The following EVL variants were observed in gnomAD, a reference collection of about 807,000 sequenced individuals.
The protein encoded by EVL is ena/VASP-like protein.
Under a neutral mutation model 59.6 loss-of-function variants are expected in EVL, and 21 were observed. That is an observed-to-expected ratio of 0.35 (90% CI 0.25 to 0.51). The LOEUF (loss-of-function observed/expected upper bound fraction) is 0.51. Ranked by LOEUF, EVL falls within the 20% of genes least tolerant of loss-of-function variation. The probability of loss-of-function intolerance (pLI) is 0.97; values close to 1 mark genes in which losing one functional copy is unlikely to be tolerated. For synonymous variants in EVL, 198 were observed against 203.5 expected, an observed-to-expected ratio of 0.97 and a Z score of 0.23; for missense variants, 462 against 546.6, an observed-to-expected ratio of 0.85 and a Z score of 1.54.
At chr14:100,026,215 C>T (rs1253647997) in intron 1 of EVL, among the ~76,000 whole-genome samples, 1 of 146,746 alleles carries the variant, frequency 6.8e-6, no homozygotes, top group African/African-American at 2.6e-5. Context: ...CATGCCACTG[C>T]ACTCCAGTGT....
chr14:100,141,642 A>G (rs1566735525), intron 12 of EVL, 94 bp from the exon 13 acceptor site: 3 of 1,201,624 alleles, frequency 2.5e-6, no homozygotes, highest in Admixed American at 4.3e-5. Context: ...GGAGAGGCCC[A>G]GGAGACCCCA....
intron 1 of EVL, among the ~76,000 whole-genome samples, chr14:100,020,430 A>G (rs1435847791): frequency 1.3e-5 from 2 of 152,012 alleles, no homozygotes; most frequent in Non-Finnish European, 2.9e-5. Flanking sequence ...CTTCTTGTGC[A>G]TATTTCCACC....
At chr14:100,065,325 A>G, upstream of EVL, 1 of 523,582 alleles carries the variant, frequency 1.9e-6, no homozygotes. Context: ...TCAGTTTTTC[A>G]CTTGGGTTTG....
chr14:100,099,942 G>A (rs1000369799), intron 3 of EVL, among the ~76,000 whole-genome samples: 20 of 115,410 alleles, frequency 1.7e-4, no homozygotes, highest in African/African-American at 6.9e-4. Flanking sequence ...GTCTGAAAGT[G>A]CTTTTTTTTT....
intron 1 of EVL, among the ~76,000 whole-genome samples, chr14:100,037,815 A>G (rs1354045168): frequency 6.6e-6 from 1 of 152,224 alleles, no homozygotes; most frequent in African/African-American, 2.4e-5. Context: ...GTCCCAGGCA[A>G]TATATAGTTA....
intron 6 of EVL, 143 bp downstream of exon 6, chr14:100,128,891 C>G (rs894423239): frequency 1.5e-6 from 1 of 676,804 alleles, no homozygotes; most frequent in East Asian, 2.7e-5. Context: ...GCCACTTGTT[C>G]TCAAACGAGA....
At chr14:99,988,716 T>G (rs2060856691) in intron 1 of EVL, among the ~76,000 whole-genome samples, 2 of 152,214 alleles carry the variant, frequency 1.3e-5, no homozygotes, top group Non-Finnish European at 2.9e-5. Context: ...AAACAAAATG[T>G]GGTATATCCA....
chr14:100,084,240 G>T (rs1421276165), intron 1 of EVL, among the ~76,000 whole-genome samples: 1 of 151,552 alleles, frequency 6.6e-6, no homozygotes, highest in Non-Finnish European at 1.5e-5. Context: ...TTAGAGGCAG[G>T]GGGCATCTCA....
At chr14:100,104,103 C>T (rs1285802896) in intron 3 of EVL, among the ~76,000 whole-genome samples, 5 of 152,200 alleles carry the variant, frequency 3.3e-5, no homozygotes, top group Non-Finnish European at 7.3e-5. Flanking sequence ...AGGACAGTTC[C>T]TAACACCAAG....
chr14:100,080,339 A>G (rs2062269976), intron 1 of EVL, among the ~76,000 whole-genome samples: 1 of 152,198 alleles, frequency 6.6e-6, no homozygotes, highest in Non-Finnish European at 1.5e-5. Flanking sequence ...TGATCTAAAA[A>G]AATTAACTGC....
intron 2 of EVL, among the ~76,000 whole-genome samples, chr14:100,092,274 CTT>C (rs1041286094): frequency 6.6e-6 from 1 of 152,040 alleles, no homozygotes; most frequent in African/African-American, 2.4e-5. Context: ...AGGAAAAACA[CTT>C]TAGTTTTTCT....
At chr14:100,062,496 G>C (rs1317639129), upstream of EVL, among the ~76,000 whole-genome samples, 1 of 151,818 alleles carries the variant, frequency 6.6e-6, no homozygotes, top group Non-Finnish European at 1.5e-5. Flanking sequence ...AAAGTATTTA[G>C]TTTACCCACA....
At chr14:100,104,902 C>A (rs1595185064) in intron 3 of EVL, among the ~76,000 whole-genome samples, 2 of 99,512 alleles carry the variant, frequency 2.0e-5, no homozygotes, top group Admixed American at 1.2e-4. Context: ...CCTCTCTTTA[C>A]TTTTTTTTTT....
At chr14:100,129,733 T>TGCCCCC (rs1566723456) in intron 7 of EVL, 49 bp downstream of exon 7, 1 of 1,495,332 alleles carries the variant, frequency 6.7e-7, no homozygotes, top group South Asian at 1.3e-5. Context: ...AGGAAGCTCC[T>TGCCCCC]GCCCCCGCCC....
intron 1 of EVL, among the ~76,000 whole-genome samples, chr14:100,047,904 A>G (rs950184047): frequency 6.6e-6 from 1 of 152,250 alleles, no homozygotes; most frequent in South Asian, 2.1e-4. Flanking sequence ...TACTGGAACA[A>G]TTGGACACCC....
chr14:100,029,089 T>C (rs1057041440), intron 1 of EVL, among the ~76,000 whole-genome samples: 1 of 152,270 alleles, frequency 6.6e-6, no homozygotes, highest in Non-Finnish European at 1.5e-5. Flanking sequence ...GTTTAATCAG[T>C]TAATGTTTAA....
At position 100,129,628 on chromosome 14, in the gene EVL, C is replaced by T; in HGVS notation, c.783C>T (p.Ser261=). ...GTSKSDANRA[S]SGGGGGGLME... ...CAAAGTCCGATGCCAACCGGGCAAG[C>T]AGCGGGGGTGGCGGAGGAGGCCTCA... The change falls in exon 7 of 14, where the codon AGC becomes AGT. Residue 261 remains serine (S), a synonymous_variant. Transcript: ENST00000392920. The T allele has an allele frequency of 6.2e-7, 1 of 1,612,350 alleles. No individual in the cohort carries two copies. Among genetic ancestry groups the T allele is most frequent in the Non-Finnish European group, 8.5e-7 (1 of 1,179,216 alleles).
chr14:100,097,182 G>T (rs544948748), intron 2 of EVL: 5 of 257,468 alleles, frequency 1.9e-5, no homozygotes, highest in Non-Finnish European at 3.7e-5. Flanking sequence ...GCCATGAGTG[G>T]AGTGGCTGAG....
At chr14:100,051,864 C>G (rs897362626) in intron 1 of EVL, among the ~76,000 whole-genome samples, 2 of 152,180 alleles carry the variant, frequency 1.3e-5, no homozygotes, top group African/African-American at 4.8e-5. Context: ...GCTCCTTTCT[C>G]CCATCAGCTT....
Sources: gnomAD v4.1 joint callset for allele counts (sites outside exome capture counted in the v4.1 genomes callset) on GRCh38, gnomAD v4.1.1 for gene constraint, MANE v1.5 for transcripts, NCBI Gene and HGNC (gene_info 2026-07-23, HGNC 2026-07-21) for gene names.